FOCAD: variants seen among roughly 807,000 people sequenced by gnomAD.
FOCAD encodes KIAA1797.
A neutral mutation model predicts 225.6 loss-of-function variants in FOCAD; 198 were observed. The ratio of observed to expected loss-of-function variants is 0.88; its 90% CI spans 0.78 to 0.99. FOCAD has a LOEUF of 0.99. FOCAD is among the 50% of genes least tolerant of loss of function. FOCAD has a pLI of 0.00. For missense variants in FOCAD, 2,713 were observed against 2,123.6 expected, an observed-to-expected ratio of 1.28 and a Z score of -5.46; for synonymous variants, 897 against 755.0, an observed-to-expected ratio of 1.19 and a Z score of -3.08.
intron 8 of FOCAD, among the ~76,000 whole-genome samples, chr9:20,772,535 C>G (rs1289321716): frequency 6.6e-6 from 1 of 152,046 alleles, no homozygotes; most frequent in Non-Finnish European, 1.5e-5. Flanking sequence ...GAAGGAATAT[C>G]TCAATAAGAG....
At chr9:20,714,638 T>TGCCTGCCTGCCTGCCTGCCTGCCTGCCTG (rs1563905518) in intron 1 of FOCAD, among the ~76,000 whole-genome samples, 3 of 55,298 alleles carry the variant, frequency 5.4e-5, no homozygotes, top group African/African-American at 1.4e-4. Context: ...CTGCCTGCCT[T>TGCCTGCCTGCCTGCCTGCCTGCCTGCCTG]CCTTCCTTCC....
At chr9:20,712,067 C>A (rs1824891152) in intron 1 of FOCAD, among the ~76,000 whole-genome samples, 3 of 152,056 alleles carry the variant, frequency 2.0e-5, no homozygotes, top group Admixed American at 2.0e-4. Flanking sequence ...TGTATTAGAC[C>A]CTCTTATGTT....
At chr9:20,710,987 G>A (rs1261372671) in intron 1 of FOCAD, among the ~76,000 whole-genome samples, 1 of 152,118 alleles carries the variant, frequency 6.6e-6, no homozygotes, top group Non-Finnish European at 1.5e-5. Context: ...TTTATGTATT[G>A]CCTATTGCTT....
At chr9:20,949,834 T>C (rs766391066) in intron 33 of FOCAD, among the ~76,000 whole-genome samples, 159 bp downstream of exon 33, 2 of 152,168 alleles carry the variant, frequency 1.3e-5, no homozygotes, top group Non-Finnish European at 2.9e-5. Context: ...TGTGGACCTG[T>C]GTTAACTGAC....
chr9:20,659,239 A>G (rs12003478), intron 2 of FOCAD, among the ~76,000 whole-genome samples: 14,836 of 129,802 alleles, frequency 0.11, 1,734 homozygotes, highest in African/African-American at 0.31. Context: ...GCCCCACACA[A>G]AAAAATTTAA....
At chr9:20,802,463 A>G (rs1283776925) in intron 11 of FOCAD, among the ~76,000 whole-genome samples, 1 of 152,178 alleles carries the variant, frequency 6.6e-6, no homozygotes, top group Admixed American at 6.5e-5. Context: ...AATTAGATTT[A>G]GAATTCATGA....
chr9:20,866,878 T>C, intron 17 of FOCAD, 51 bp from the exon 18 acceptor site: 1 of 1,145,296 alleles, frequency 8.7e-7, no homozygotes, highest in Non-Finnish European at 1.2e-6. Flanking sequence ...TGTGTTTTTT[T>C]GTTTGCTTGC....
At chr9:20,942,107 A>G (rs914952589) in intron 28 of FOCAD, among the ~76,000 whole-genome samples, 4 of 152,208 alleles carry the variant, frequency 2.6e-5, no homozygotes, top group African/African-American at 9.7e-5. Flanking sequence ...TATATGCCAT[A>G]GCATGTATAT....
chr9:20,755,249 T>A (rs1166626352), intron 5 of FOCAD, among the ~76,000 whole-genome samples: 1 of 152,214 alleles, frequency 6.6e-6, no homozygotes, highest in African/African-American at 2.4e-5. Flanking sequence ...CAGTAATTAA[T>A]CTTTATGATC....
intron 4 of FOCAD, among the ~76,000 whole-genome samples, chr9:20,725,861 T>C (rs1826154443): frequency 6.6e-6 from 1 of 152,168 alleles, no homozygotes; most frequent in Admixed American, 6.5e-5. Flanking sequence ...CCTAGAGTGT[T>C]CTCTGTTCAA....
chr9:20,843,494 GTTAT>G (rs1405604502), intron 15 of FOCAD, among the ~76,000 whole-genome samples: 2 of 151,962 alleles, frequency 1.3e-5, no homozygotes, highest in African/African-American at 4.8e-5. Flanking sequence ...GATTTTATAT[GTTAT>G]TTGTTTCTTT....
chr9:20,660,616 G>A (rs899405744), intron 2 of FOCAD, among the ~76,000 whole-genome samples: 4 of 152,212 alleles, frequency 2.6e-5, no homozygotes, highest in Non-Finnish European at 5.9e-5. Context: ...GACAGCAACA[G>A]TTTGGTTAGA....
At chr9:20,747,624 A>G (rs1431299033) in intron 5 of FOCAD, among the ~76,000 whole-genome samples, 1 of 152,108 alleles carries the variant, frequency 6.6e-6, no homozygotes, top group African/African-American at 2.4e-5. Context: ...CCCCTGGAAA[A>G]CACTACTATT....
chr9:20,747,043 T>C (rs2131708256), intron 5 of FOCAD, among the ~76,000 whole-genome samples: 1 of 152,298 alleles, frequency 6.6e-6, no homozygotes, highest in Middle Eastern at 3.4e-3. Context: ...CTGTACTGAA[T>C]AGTTATCATT....
intron 39 of FOCAD, among the ~76,000 whole-genome samples, chr9:20,984,856 A>G (rs1293440653): frequency 1.3e-5 from 2 of 152,234 alleles, no homozygotes; most frequent in African/African-American, 4.8e-5. Context: ...CCTGGAATGC[A>G]GTGGCATGAT....
rs1820982366 is a variant in FOCAD, at chr9:20,795,610, C to T, written c.1455+6002C>T. Among the ~76,000 whole-genome samples the T allele has an allele frequency of 4.0e-5, 6 of 151,758 alleles. No individual in the cohort carries two copies. In the South Asian group the frequency reaches 1.2e-3, roughly 32 times the overall value. On this transcript the variant is annotated intron_variant, in intron 11 of 43. Transcript: ENST00000338382. Reference sequence around the variant, plus strand: ...ACCATCCTGGCTACACGGTGAAACCCCGTCTCTACTAAAAATACAAAAACT... The same window carrying T: ...ACCATCCTGGCTACACGGTGAAACCTCGTCTCTACTAAAAATACAAAAACT...
In FOCAD at chr9:20,781,719, A is replaced by C. The variant is rs142574510; in HGVS notation, c.995-8A>C. 3 of 1,612,398 alleles carry C rather than the reference A, an allele frequency of 1.9e-6. No individual in the cohort carries two copies. Among genetic ancestry groups the C allele is most frequent in the Non-Finnish European group, 2.5e-6 (3 of 1,179,494 alleles). ...TTTAAAAATGTGCATTATTGTTTTG[A>C]TGAATAGCTTTGAAGCTCCTCTCTG... is the stretch of plus-strand genomic sequence containing the variant. On this transcript the variant is annotated splice_polypyrimidine_tract_variant and splice_region_variant and intron_variant, in intron 9 of 43. Transcript: ENST00000338382.
intron 2 of FOCAD, among the ~76,000 whole-genome samples, chr9:20,662,147 A>T (rs1159948647): frequency 6.6e-6 from 1 of 152,098 alleles, no homozygotes; most frequent in Non-Finnish European, 1.5e-5. Flanking sequence ...TTTATTTTTT[A>T]AATGTGGCTG....
intron 1 of FOCAD, among the ~76,000 whole-genome samples, chr9:20,686,835 C>G (rs1481421904): frequency 6.6e-6 from 1 of 152,020 alleles, no homozygotes; most frequent in Admixed American, 6.6e-5. Flanking sequence ...TGATAAGAAA[C>G]AAGATTTGCT....
Sources: allele counts gnomAD v4.1 joint callset (sites outside exome capture counted in the v4.1 genomes callset), GRCh38; gene constraint gnomAD v4.1.1; transcripts MANE v1.5; gene names NCBI Gene and HGNC (gene_info 2026-07-23, HGNC 2026-07-21).